ZFYVE26: variants seen among roughly 807,000 people sequenced by gnomAD.
ZFYVE26 encodes zinc finger FYVE domain-containing protein 26.
Under a neutral mutation model 276.5 loss-of-function variants are expected in ZFYVE26, and 181 were observed. The ratio of observed to expected loss-of-function variants is 0.65; its 90% CI spans 0.58 to 0.74. The LOEUF is 0.74. ZFYVE26 is among the 30% of genes least tolerant of loss of function. The pLI, the probability that ZFYVE26 is intolerant of heterozygous loss-of-function variation, is 0.00. For synonymous variants in ZFYVE26, 1,129 were observed against 1,203.1 expected (o/e 0.94, Z 1.27); for missense variants, 2,821 against 3,097.9 (o/e 0.91, Z 2.12).
At chr14:67,770,123 C>A in intron 28 of ZFYVE26, 1 of 300,582 alleles carries the variant, frequency 3.3e-6, no homozygotes. Context: ...TTGTTTTCCC[C>A]AAGGTTATTT....
chr14:67,815,763 C>T lies in ZFYVE26; in HGVS notation c.194+7G>A, dbSNP rs753483142. On this transcript the variant is annotated splice_region_variant and intron_variant, in intron 2 of 41. Transcript: ENST00000347230. Reference sequence around the variant, plus strand: ...GGGACCGTCTGGTAGGAAAAGAGATCCCTTACCTCAGCAGATTTGGACACA... The same window carrying T: ...GGGACCGTCTGGTAGGAAAAGAGATTCCTTACCTCAGCAGATTTGGACACA... 2.5e-6 allele frequency: 4 copies of T among 1,612,630 alleles called. No homozygotes were observed. The South Asian group carries it at 3.3e-5, about 13-fold the overall frequency.
At chr14:67,768,599 TG>T (rs776944598) in intron 29 of ZFYVE26, 51 bp from the exon 30 acceptor site, 1 of 1,580,578 alleles carries the variant, frequency 6.3e-7, no homozygotes, top group Non-Finnish European at 8.7e-7. Context: ...GTCACTTCTT[TG>T]TTTTGAGCTT....
chr14:67,786,768 C>T (rs1479438232), intron 16 of ZFYVE26, among the ~76,000 whole-genome samples: 1 of 152,150 alleles, frequency 6.6e-6, no homozygotes, highest in Non-Finnish European at 1.5e-5. Context: ...TTCACAATAG[C>T]CAAGATTTTG....
At chr14:67,732,403 C>T (rs1269075354) in intron 13 of ZFYVE26, among the ~76,000 whole-genome samples, 1 of 148,154 alleles carries the variant, frequency 6.7e-6, no homozygotes, top group Non-Finnish European at 1.5e-5. Context: ...GCACTCCAGC[C>T]TGGGTGATGA....
chr14:67,787,346 ACT>A lies in ZFYVE26; in HGVS notation c.3020-1115_3020-1114del, dbSNP rs1056700693. Among the ~76,000 whole-genome samples the A allele has an allele frequency of 6.6e-5, 10 of 151,680 alleles. No homozygotes were observed. In the East Asian group the frequency reaches 7.8e-4, roughly 12 times the overall value. The stretch of plus-strand genomic sequence containing the variant: ...ACTCCAGCCTGGGTGACAGAGTGAG[ACT>A]CTGTCTCAGAAAAAAAAAAAGTTAG... On this transcript the variant is annotated intron_variant, in intron 16 of 41. Coordinates refer to ENST00000347230, the MANE Select transcript of ZFYVE26 (RefSeq NM_015346.4).
At chr14:67,732,307 G>A (rs1267441285) in intron 13 of ZFYVE26, among the ~76,000 whole-genome samples, 1 of 151,260 alleles carries the variant, frequency 6.6e-6, no homozygotes, top group Non-Finnish European at 1.5e-5. Flanking sequence ...GCATTGTGGT[G>A]CATGCCTGTA....
chr14:67,795,353 G>C (rs1427305905), intron 12 of ZFYVE26, among the ~76,000 whole-genome samples: 6 of 152,152 alleles, frequency 3.9e-5, no homozygotes, highest in Non-Finnish European at 8.8e-5. Flanking sequence ...CTTTCATGTT[G>C]CCACTTAGCT....
At chr14:67,792,190 T>C (rs1442987698) in intron 14 of ZFYVE26, among the ~76,000 whole-genome samples, 1 of 152,170 alleles carries the variant, frequency 6.6e-6, no homozygotes, top group Non-Finnish European at 1.5e-5. Context: ...AAAATTGTCC[T>C]GTTACCTAGA....
rs200418943 is a variant in ZFYVE26, at chr14:67,773,551, G to GCACACA, written c.5321-1342_5321-1341insTGTGTG. 2.1e-4 allele frequency among the ~76,000 whole-genome samples: 27 copies of GCACACA among 125,880 alleles called. 1 individual carries two copies. The highest frequency in any genetic ancestry group is 9.7e-4 in the South Asian group (4 of 4,144). The allele number at this position is 125,880 out of a possible 152,430, so 82.6% of individuals were successfully genotyped here. ...CCTGTCTCCAAAAAAAAAAAAAAAG[G>GCACACA]CGCACACACACACACACACACCCCA... On this transcript the variant is annotated intron_variant, in intron 27 of 41. Transcript: ENST00000347230.
rs138543433 is a variant in ZFYVE26, at chr14:67,781,501, G to T, written c.4401C>A (p.Pro1467=). Reference sequence around the variant, plus strand: ...GACTTCTCAGAGATGCATCCTTCACGGGAAACAGGTATTGCCAACCTTCTT... The same window carrying T: ...GACTTCTCAGAGATGCATCCTTCACTGGAAACAGGTATTGCCAACCTTCTT... ...CDKEGWQYLF[P]VKDASLRSRL... Residue 1467 remains proline (P), a synonymous_variant, in exon 22 of 42, where the codon CCC becomes CCA. Coordinates refer to ENST00000347230, the MANE Select transcript of ZFYVE26 (RefSeq NM_015346.4). The T allele has an allele frequency of 1.2e-6, 2 of 1,614,092 alleles. No individual in the cohort carries two copies. Among genetic ancestry groups the T allele is most frequent in the Admixed American group, 3.3e-5 (2 of 60,018 alleles).
rs773526096 is a variant in ZFYVE26 at position 67,797,834 on chromosome 14, G to C, written c.2249-79C>G. 3.8e-6 allele frequency: 6 copies of C among 1,592,202 alleles called. No individual in the cohort carries two copies. In the East Asian group the frequency reaches 1.3e-4, roughly 36 times the overall value. ...CCCTTTCTTGGCATAACAGGTTGGG[G>C]AAGGTTTGCACTGGGCTCTGAGACA... On this transcript the variant is annotated intron_variant, in intron 11 of 41. Coordinates refer to ENST00000347230, the MANE Select transcript of ZFYVE26 (RefSeq NM_015346.4).
intron 13 of ZFYVE26, among the ~76,000 whole-genome samples, chr14:67,740,335 C>CA (rs1300453879): frequency 1.6e-4 from 24 of 149,910 alleles, no homozygotes; most frequent in Admixed American, 1.2e-3. Context: ...CAAAGAAATG[C>CA]AAAAAAAATT....
At chr14:67,755,803 G>T in intron 36 of ZFYVE26, 145 bp downstream of exon 36, 1 of 927,310 alleles carries the variant, frequency 1.1e-6, no homozygotes, top group Non-Finnish European at 1.8e-6. Flanking sequence ...TAACAATACT[G>T]GAGAGCAACA....
At position 67,782,997 on chromosome 14, in the gene ZFYVE26, C is replaced by T. The variant is rs1331227084; in HGVS notation, c.4155G>A (p.Gln1385=). The T allele has an allele frequency of 6.2e-7, 1 of 1,614,120 alleles. No homozygotes were observed. Among genetic ancestry groups the T allele is most frequent in the African/African-American group, 1.3e-5 (1 of 74,944 alleles). Reference sequence around the variant, plus strand: ...AACCACAGAGATTCACTGCCAGACTCTGCCCCTGCTGCAAAGACCCTCGCA... The same window carrying T: ...AACCACAGAGATTCACTGCCAGACTTTGCCCCTGCTGCAAAGACCCTCGCA... ...EPLRGSLQQG[Q]SLAVNLCGWA... The change falls in exon 21 of 42, where the codon CAG becomes CAA. Residue 1385 remains glutamine, a synonymous_variant. Transcript: ENST00000347230.
At position 67,797,874 on chromosome 14, in the gene ZFYVE26, G is replaced by C. The variant is rs920079925; in HGVS notation, c.2249-119C>G. On this transcript the variant is annotated intron_variant, in intron 11 of 41. Transcript: ENST00000347230. ...GCTCTGAGACATGGAGCATACCCCAGTGTTCTGACACTGGTTGCCATGGTG... is the reference window on the plus strand; with the variant it reads ...GCTCTGAGACATGGAGCATACCCCACTGTTCTGACACTGGTTGCCATGGTG... 6.3e-6 allele frequency: 10 copies of C among 1,575,900 alleles called. No homozygotes were observed. The African/African-American group carries it at 1.1e-4, about 17-fold the overall frequency.
chr14:67,786,276 TG>T, intron 16 of ZFYVE26, 43 bp from the exon 17 acceptor site: 1 of 560,376 alleles, frequency 1.8e-6, no homozygotes, highest in Non-Finnish European at 2.5e-6. Context: ...AAAAAAAAAT[TG>T]AAGTGTTTTC....
intron 4 of ZFYVE26, 131 bp downstream of exon 4, chr14:67,809,069 C>T (rs2040240086): frequency 1.2e-6 from 1 of 811,002 alleles, no homozygotes; most frequent in South Asian, 1.4e-5. Context: ...CTCAAAGGAG[C>T]TTCTGTGTTG....
Position 67,793,673 on chromosome 14 carries a change from A to ATCT in ZFYVE26, c.2487_2488insAGA (p.Met829_Phe830insArg), listed in dbSNP as rs1442910753. 6.2e-7 allele frequency: 1 copy of ATCT among 1,613,850 alleles called. No homozygotes were observed. The highest frequency in any genetic ancestry group is 1.1e-5 in the South Asian group (1 of 91,062). On this transcript the variant is annotated inframe_insertion, in exon 14 of 42. Transcript: ENST00000347230. ...GCCAGCAGTGACTCAGGTGGGGAGA[A>ATCT]CATCATGGGGATGAGTGAACTTTGA...
intron 39 of ZFYVE26, 124 bp from the exon 40 acceptor site, chr14:67,752,650 GA>G: frequency 9.3e-7 from 1 of 1,075,080 alleles, no homozygotes; most frequent in South Asian, 1.3e-5. Context: ...GGTCACAGTA[GA>G]AAACATAAAT....
Sources: allele counts gnomAD v4.1 joint callset (sites outside exome capture counted in the v4.1 genomes callset), GRCh38; gene constraint gnomAD v4.1.1; transcripts MANE v1.5; gene names NCBI Gene and HGNC (gene_info 2026-07-23, HGNC 2026-07-21).